SYTL3: variants seen among roughly 807,000 people sequenced by gnomAD.
The protein encoded by SYTL3 is synaptotagmin-like protein 3.
SYTL3 carries 88 observed loss-of-function variants against 82.1 expected under a neutral mutation model. That is an observed-to-expected ratio of 1.07 (90% CI 0.90 to 1.28). The LOEUF is 1.28. Ranked by LOEUF, SYTL3 falls within the 50% of genes most tolerant of loss-of-function variation. The probability of loss-of-function intolerance (pLI) is 0.00; values close to 1 mark genes in which losing one functional copy is unlikely to be tolerated. For missense variants in SYTL3, 831 were observed against 757.6 expected, an observed-to-expected ratio of 1.10 and a Z score of -1.14; for synonymous variants, 311 against 289.4, an observed-to-expected ratio of 1.07 and a Z score of -0.76.
intron 6 of SYTL3, among the ~76,000 whole-genome samples, chr6:158,701,259 C>CCG (rs1299709369): frequency 0.013 from 73 of 5,492 alleles, 30 homozygotes; most frequent in South Asian, 0.068. Flanking sequence ...GGAGTGTGAG[C>CCG]TGGGGTGTAG....
Position 158,732,686 on chromosome 6 carries a change from C to T in SYTL3, c.855+7049C>T, listed in dbSNP as rs551137922. ...CTCCAATGACGAAGGAAAAATTTGG[C>T]GTACCTTAAAGACTTAATAGGATGC... is the stretch of plus-strand genomic sequence containing the variant. On this transcript the variant is annotated intron_variant, in intron 11 of 17. Transcript: ENST00000611299. Among the ~76,000 whole-genome samples the T allele has an allele frequency of 5.3e-5, 8 of 152,294 alleles. No individual in the cohort carries two copies. In the South Asian group the frequency reaches 1.7e-3, roughly 32 times the overall value.
intron 6 of SYTL3, among the ~76,000 whole-genome samples, chr6:158,696,439 G>A (rs186561062): frequency 9.3e-5 from 14 of 150,988 alleles, no homozygotes; most frequent in Admixed American, 4.0e-4. Flanking sequence ...TCCTGACCTC[G>A]TGATCTGCCT....
Position 158,682,972 on chromosome 6 carries a change from A to G in SYTL3, c.377A>G (p.Lys126Arg). ...TGEWFYEERA[K>R]KFPTGGKHET... is the part of the protein sequence containing the mutation. ...GAATGGTTCTATGAGGAACGAGCCA[A>G]GAAATTTCCAACTGGAGGTAAATGC... The change falls in exon 6 of 18, where the codon AAG (lysine) becomes AGG (arginine). Residue 126 changes from lysine to arginine, a missense_variant. Transcript: ENST00000611299. 6.2e-7 allele frequency: 1 copy of G among 1,612,654 alleles called. No homozygotes were observed. Among genetic ancestry groups the G allele is most frequent in the Non-Finnish European group, 8.5e-7 (1 of 1,178,708 alleles).
chr6:158,719,641 C>T (rs577547734), intron 10 of SYTL3, among the ~76,000 whole-genome samples: 30 of 152,342 alleles, frequency 2.0e-4, no homozygotes, highest in African/African-American at 6.5e-4. Context: ...CCTCCGAACT[C>T]CCTCCGGGGA....
Position 158,663,543 on chromosome 6 carries a change from CCTT to C in SYTL3, c.110+166_110+168del, listed in dbSNP as rs1026131860. 6 of 985,180 alleles carry C rather than the reference CCTT, an allele frequency of 6.1e-6. No homozygotes were observed. In the African/African-American group the frequency reaches 1.0e-4, roughly 17 times the overall value. The allele number at this position is 985,180 out of a possible 1,614,324, so 61.0% of individuals were successfully genotyped here. A position where few individuals can be genotyped will look rare whatever the true frequency, so the allele number is the denominator to read the frequency against. The stretch of plus-strand genomic sequence containing the variant: ...AAGGTCTGTTGGTGGAGATGATCCT[CCTT>C]ATGTAACTAAACGTAGAGGACGCTC... On this transcript the variant is annotated intron_variant, in intron 4 of 17. Transcript: ENST00000611299.
At chr6:158,755,872 ACAGT>A (rs927592552) in intron 13 of SYTL3, among the ~76,000 whole-genome samples, 53 of 152,186 alleles carry the variant, frequency 3.5e-4, no homozygotes, top group Non-Finnish European at 1.3e-4. Context: ...GGGCCTGGAC[ACAGT>A]CAGTGCACGT....
At chr6:158,760,209 A>G (rs1391348704) in intron 14 of SYTL3, among the ~76,000 whole-genome samples, 1 of 152,112 alleles carries the variant, frequency 6.6e-6, no homozygotes, top group African/African-American at 2.4e-5. Flanking sequence ...ACTACACCCC[A>G]TGCTGTCCCC....
At chr6:158,714,437 A>G (rs1448443681) in intron 9 of SYTL3, among the ~76,000 whole-genome samples, 3 of 151,584 alleles carry the variant, frequency 2.0e-5, no homozygotes, top group Non-Finnish European at 2.9e-5. Context: ...CCAATTATCT[A>G]TCTATTGTCT....
intron 5 of SYTL3, among the ~76,000 whole-genome samples, chr6:158,672,057 G>A (rs562064288): frequency 1.3e-5 from 2 of 152,104 alleles, no homozygotes; most frequent in East Asian, 1.9e-4. Context: ...TTGGGAGGCC[G>A]AGGTGGGCAG....
Position 158,745,677 on chromosome 6 carries a change from G to T in SYTL3, c.1034+19G>T. On this transcript the variant is annotated intron_variant, in intron 12 of 17. Coordinates refer to ENST00000611299, the MANE Select transcript of SYTL3 (RefSeq NM_001242394.2). Reference sequence around the variant, plus strand: ...GCAATCCGTAAGTTGTTTTTTTTAAGTTTAACATGAGACATATTGATTCCA... The same window carrying T: ...GCAATCCGTAAGTTGTTTTTTTTAATTTTAACATGAGACATATTGATTCCA... 1 of 1,561,696 alleles carries T rather than the reference G, an allele frequency of 6.4e-7. No homozygotes were observed. Among genetic ancestry groups the T allele is most frequent in the South Asian group, 1.2e-5 (1 of 83,530 alleles).
chr6:158,725,634 A>G lies in SYTL3; in HGVS notation c.852A>G (p.Arg284=), dbSNP rs752604351. 1 of 1,613,464 alleles carries G rather than the reference A, an allele frequency of 6.2e-7. No homozygotes were observed. The highest frequency in any genetic ancestry group is 8.5e-7 in the Non-Finnish European group (1 of 1,179,858). Residue 284 remains arginine, a synonymous_variant, in exon 11 of 18, where the codon AGA becomes AGG. Coordinates refer to ENST00000611299, the MANE Select transcript of SYTL3 (RefSeq NM_001242394.2). ...APSTIFSGGF[R]HGSLISIDST... ...GTACCATATTCTCTGGAGGTTTTAG[A>G]CACGTGAGTCTCATTCCAATGCTCT...
In SYTL3 at chr6:158,665,437, G is replaced by A. The variant is rs117270415; in HGVS notation, c.153G>A (p.Ala51=). Residue 51 remains alanine (A), a synonymous_variant, in exon 5 of 18, where the codon GCG becomes GCA. Transcript: ENST00000611299. ...TGCAGCATCTCCGGTGGAAAGGAGCGAAGAACACGGACTGGGAGCACAAAG... is the reference window on the plus strand; with the variant it reads ...TGCAGCATCTCCGGTGGAAAGGAGCAAAGAACACGGACTGGGAGCACAAAG... ...THLQHLRWKG[A]KNTDWEHKEK... is the part of the protein sequence containing the mutation. 1.4e-5 allele frequency: 23 copies of A among 1,607,650 alleles called. No individual in the cohort carries two copies. Among genetic ancestry groups the A allele is most frequent in the East Asian group, 4.5e-5 (2 of 44,640 alleles).
chr6:158,708,521 G>T, intron 8 of SYTL3, 130 bp downstream of exon 8: 1 of 859,402 alleles, frequency 1.2e-6, no homozygotes, highest in South Asian at 1.5e-5. Context: ...GCCTGGAGCG[G>T]GTCACAAAGC....
At chr6:158,688,112 A>G (rs948083930) in intron 6 of SYTL3, among the ~76,000 whole-genome samples, 1 of 152,214 alleles carries the variant, frequency 6.6e-6, no homozygotes, top group Non-Finnish European at 1.5e-5. Context: ...TTCTTCCAAA[A>G]TGTATTGATG....
chr6:158,760,729 C>T lies in SYTL3; in HGVS notation c.1398C>T (p.Leu466=), dbSNP rs139903862. The change falls in exon 15 of 18, where the codon CTC becomes CTT. Residue 466 remains leucine, a synonymous_variant. Coordinates refer to ENST00000611299, the MANE Select transcript of SYTL3 (RefSeq NM_001242394.2). ...TTCTCCCTTCACGGCCCAGAAAACT[C>T]CAAGAGGCTCAAGAAGGTCAGTGGC... ...KLVLPSRPRK[L]QEAQEGTDQP... is the part of the protein sequence containing the mutation. The T allele has an allele frequency of 1.9e-5, 30 of 1,613,850 alleles. No homozygotes were observed. Among genetic ancestry groups the T allele is most frequent in the Non-Finnish European group, 2.5e-5 (29 of 1,179,860 alleles).
rs534891453 is a variant in SYTL3 at position 158,751,098 on chromosome 6, C to G, written c.1035-830C>G. Among the ~76,000 whole-genome samples the G allele has an allele frequency of 8.5e-5, 13 of 152,256 alleles. No homozygotes were observed. The East Asian group carries it at 2.5e-3, about 29-fold the overall frequency. Reference sequence around the variant, plus strand: ...GTTGTGAGCTTCTGCGCCTGGCCTCCTGGCCGATTTCGAGTATTTTCACAA... The same window carrying G: ...GTTGTGAGCTTCTGCGCCTGGCCTCGTGGCCGATTTCGAGTATTTTCACAA... On this transcript the variant is annotated intron_variant, in intron 12 of 17. Coordinates refer to ENST00000611299, the MANE Select transcript of SYTL3 (RefSeq NM_001242394.2).
At chr6:158,710,410 A>G (rs1782624683) in intron 8 of SYTL3, among the ~76,000 whole-genome samples, 1 of 152,234 alleles carries the variant, frequency 6.6e-6, no homozygotes, top group African/African-American at 2.4e-5. Context: ...TTGCAAATAC[A>G]GATGTACAAA....
chr6:158,692,257 C>CAAAAAAA lies in SYTL3; in HGVS notation c.394+9300_394+9306dup, dbSNP rs571381475. Among the ~76,000 whole-genome samples, 25 of 32,196 alleles carry CAAAAAAA rather than the reference C, an allele frequency of 7.8e-4. 2 individuals carry two copies. The highest frequency in any genetic ancestry group is 8.9e-4 in the African/African-American group (10 of 11,258). 21.1% of individuals were successfully genotyped at this position (32,196 alleles called of 152,430 possible). On this transcript the variant is annotated intron_variant, in intron 6 of 17. Transcript: ENST00000611299. ...TGGGCGACAGAGCGAGACTCCGTCTCAAAAAAAAAAAAAAAAAAAAAAAAA... is the reference window on the plus strand; with the variant it reads ...TGGGCGACAGAGCGAGACTCCGTCTCAAAAAAAAAAAAAAAAAAAAAAAAAAAAAAAA...
chr6:158,756,555 C>CA lies in SYTL3; in HGVS notation c.1138-649dup, dbSNP rs561572347. On this transcript the variant is annotated intron_variant, in intron 13 of 17. Transcript: ENST00000611299. ...TGAAACCCTGTCTCTACTAAAAATA[C>CA]AAAAAAACAAGCCGGGCGTGGTGTT... Among the ~76,000 whole-genome samples the CA allele has an allele frequency of 2.7e-4, 41 of 151,772 alleles. 1 individual carries two copies. The highest frequency in any genetic ancestry group is 8.3e-4 in the South Asian group (4 of 4,806).
Sources: gnomAD v4.1 joint callset for allele counts (sites outside exome capture counted in the v4.1 genomes callset) on GRCh38, gnomAD v4.1.1 for gene constraint, MANE v1.5 for transcripts, NCBI Gene and HGNC (gene_info 2026-07-23, HGNC 2026-07-21) for gene names.